The following SPPL3 variants were observed in gnomAD, a reference collection of about 807,000 sequenced individuals.
SPPL3 encodes signal peptide peptidase-like 3.
A neutral mutation model predicts 42.4 loss-of-function variants in SPPL3; 5 were observed. The observed-to-expected ratio is 0.12, with a 90% CI of 0.06 to 0.25. The LOEUF (loss-of-function observed/expected upper bound fraction) is 0.25, where lower values mean the gene tolerates loss of function less well. Among genes scored for constraint, SPPL3 ranks in the 10% least tolerant of loss-of-function variants. The pLI is 1.00. For synonymous variants in SPPL3, 195 were observed against 181.8 expected (o/e 1.07, Z -0.58); for missense variants, 235 against 489.0 (o/e 0.48, Z 4.90).
At chr12:120,795,545 G>A (rs753160726) in intron 2 of SPPL3, among the ~76,000 whole-genome samples, 14 of 152,142 alleles carry the variant, frequency 9.2e-5, no homozygotes, top group African/African-American at 2.9e-4. Context: ...TAAAGCTACC[G>A]TTACATTGAC....
chr12:120,767,688 G>A, intron 8 of SPPL3, 95 bp from the exon 9 acceptor site: 4 of 1,223,824 alleles, frequency 3.3e-6, no homozygotes, highest in Non-Finnish European at 3.5e-6. Context: ...AGGAGTCAAA[G>A]AGCTTATCTG....
chr12:120,785,493 T>C (rs1869690819), intron 3 of SPPL3, among the ~76,000 whole-genome samples: 1 of 152,014 alleles, frequency 6.6e-6, no homozygotes, highest in Non-Finnish European at 1.5e-5. Context: ...CATCTAGGGT[T>C]GAGAACCATT....
chr12:120,884,175 C>T lies in SPPL3; in HGVS notation c.23+19670G>A, dbSNP rs148509528. Reference sequence around the variant, plus strand: ...GCAAAGGGATGGTAAACAAAATTCACGACAGTGGTTACACCTAAACGGGGA... The same window carrying T: ...GCAAAGGGATGGTAAACAAAATTCATGACAGTGGTTACACCTAAACGGGGA... On this transcript the variant is annotated intron_variant, in intron 1 of 10. Coordinates refer to ENST00000353487, the MANE Select transcript of SPPL3 (RefSeq NM_139015.5). 6.3e-3 allele frequency among the ~76,000 whole-genome samples: 952 copies of T among 150,842 alleles called. 9 individuals carry two copies. The highest frequency in any genetic ancestry group is 0.022 in the African/African-American group (893 of 41,060).
intron 1 of SPPL3, among the ~76,000 whole-genome samples, chr12:120,816,105 C>T (rs1870865483): frequency 6.6e-6 from 1 of 152,160 alleles, no homozygotes; most frequent in African/African-American, 2.4e-5. Flanking sequence ...GGAGCTGTAG[C>T]TACTGACTTT....
intron 1 of SPPL3, among the ~76,000 whole-genome samples, chr12:120,881,406 T>C (rs1231232855): frequency 7.3e-6 from 1 of 136,574 alleles, no homozygotes; most frequent in Admixed American, 8.4e-5. Context: ...AGGCAGAGGT[T>C]GCAGTGAGCC....
At chr12:120,802,260 A>G (rs1797512247) in intron 2 of SPPL3, among the ~76,000 whole-genome samples, 1 of 151,614 alleles carries the variant, frequency 6.6e-6, no homozygotes, top group African/African-American at 2.4e-5. Context: ...ATACGAATGC[A>G]CCATGAGTGC....
intron 1 of SPPL3, among the ~76,000 whole-genome samples, chr12:120,872,577 G>A (rs73217006): frequency 0.011 from 1,664 of 152,218 alleles, 14 homozygotes; most frequent in Admixed American, 0.017. Context: ...CTGGAGAAGC[G>A]GGGGCTGCAT....
intron 1 of SPPL3, among the ~76,000 whole-genome samples, chr12:120,899,079 T>A: frequency 6.6e-6 from 1 of 152,220 alleles, no homozygotes; most frequent in African/African-American, 2.4e-5. Context: ...AATAAAAGTC[T>A]AGTTAGCACA....
In SPPL3 at chr12:120,784,215, G is replaced by C. The variant is rs932454907; in HGVS notation, c.310+259C>G. 9.6e-6 allele frequency: 3 copies of C among 313,292 alleles called. No individual in the cohort carries two copies. In the South Asian group the frequency reaches 1.3e-4, roughly 14 times the overall value. 19.4% of individuals were successfully genotyped at this position (313,292 alleles called of 1,614,324 possible). On this transcript the variant is annotated intron_variant, in intron 4 of 10. Transcript: ENST00000353487. ...GCCAAAGCACAGCAATACTGCTCTG[G>C]TGTCATAGAATTCCTGCACTTTGAC... is the stretch of plus-strand genomic sequence containing the variant.
chr12:120,889,234 A>G (rs1873557021), intron 1 of SPPL3, among the ~76,000 whole-genome samples: 1 of 152,238 alleles, frequency 6.6e-6, no homozygotes, highest in Non-Finnish European at 1.5e-5. Context: ...TTAGAAGAGC[A>G]TGAAAAAGCG....
chr12:120,889,509 C>T (rs1009848080), intron 1 of SPPL3, among the ~76,000 whole-genome samples: 1 of 152,214 alleles, frequency 6.6e-6, no homozygotes, highest in African/African-American at 2.4e-5. Flanking sequence ...CCCTCTTGTG[C>T]CCCTGGCACT....
chr12:120,774,393 T>C (rs1334511679), intron 6 of SPPL3, among the ~76,000 whole-genome samples: 3 of 152,210 alleles, frequency 2.0e-5, no homozygotes, highest in African/African-American at 7.2e-5. Flanking sequence ...AATTATAAAG[T>C]TGCATAAACT....
chr12:120,810,197 G>C (rs1167378611), intron 2 of SPPL3, among the ~76,000 whole-genome samples: 3 of 152,080 alleles, frequency 2.0e-5, no homozygotes, highest in Non-Finnish European at 4.4e-5. Flanking sequence ...GCCCAGGCTA[G>C]TCTTGAACTC....
At chr12:120,777,424 T>C (rs1869362107) in intron 6 of SPPL3, among the ~76,000 whole-genome samples, 1 of 152,266 alleles carries the variant, frequency 6.6e-6, no homozygotes, top group South Asian at 2.1e-4. Context: ...CTATATGCTC[T>C]GTTTATACAT....
rs1382724865 is a variant in SPPL3, at chr12:120,768,935, A to C, written c.609+18T>G. 6.3e-7 allele frequency: 1 copy of C among 1,587,776 alleles called. No individual in the cohort carries two copies. Among genetic ancestry groups the C allele is most frequent in the South Asian group, 1.1e-5 (1 of 87,430 alleles). On this transcript the variant is annotated intron_variant, in intron 7 of 10. Coordinates refer to ENST00000353487, the MANE Select transcript of SPPL3 (RefSeq NM_139015.5). ...CAACACAAAGAAGGGGAGGAGCTCCAAGGACATAAACGCTTACCCAAAAGA... is the reference window on the plus strand; with the variant it reads ...CAACACAAAGAAGGGGAGGAGCTCCCAGGACATAAACGCTTACCCAAAAGA...
intron 1 of SPPL3, among the ~76,000 whole-genome samples, chr12:120,868,812 AAAT>A (rs1412292517): frequency 1.3e-5 from 2 of 152,160 alleles, no homozygotes; most frequent in East Asian, 3.8e-4. Flanking sequence ...AAAATCAATA[AAAT>A]AATATTTTCA....
intron 1 of SPPL3, among the ~76,000 whole-genome samples, chr12:120,815,194 T>A (rs1201130741): frequency 6.6e-6 from 1 of 152,212 alleles, no homozygotes; most frequent in African/African-American, 2.4e-5. Context: ...TTGATAGATG[T>A]TGCCAAAGTG....
chr12:120,849,584 T>C (rs1872157507), intron 1 of SPPL3, among the ~76,000 whole-genome samples: 1 of 152,176 alleles, frequency 6.6e-6, no homozygotes, highest in Non-Finnish European at 1.5e-5. Flanking sequence ...AACAGATCAA[T>C]ATATACTCTG....
At chr12:120,850,358 C>T (rs1872180007) in intron 1 of SPPL3, among the ~76,000 whole-genome samples, 1 of 152,032 alleles carries the variant, frequency 6.6e-6, no homozygotes, top group South Asian at 2.1e-4. Context: ...GTCTACACCA[C>T]AGAAGTTTAT....
Sources: allele counts gnomAD v4.1 joint callset (sites outside exome capture counted in the v4.1 genomes callset), GRCh38; gene constraint gnomAD v4.1.1; transcripts MANE v1.5; gene names NCBI Gene and HGNC (gene_info 2026-07-23, HGNC 2026-07-21).